Variants in DNAH12 observed in about 807,000 individuals in gnomAD.
The protein encoded by DNAH12 is axonemal beta dynein heavy chain 12.
DNAH12 carries 285 observed loss-of-function variants against 371.5 expected under a neutral mutation model. The observed-to-expected ratio is 0.77, with a 90% CI of 0.70 to 0.85. DNAH12 has a LOEUF of 0.85. Among genes scored for constraint, DNAH12 ranks in the 40% least tolerant of loss-of-function variants. DNAH12 has a pLI of 0.00. For synonymous variants in DNAH12, 1,200 were observed against 1,213.0 expected, an observed-to-expected ratio of 0.99 and a Z score of 0.22; for missense variants, 3,611 against 3,689.4, an observed-to-expected ratio of 0.98 and a Z score of 0.55.
chr3:57,450,288 C>T (rs945291805), intron 25 of DNAH12, among the ~76,000 whole-genome samples: 1 of 142,738 alleles, frequency 7.0e-6, no homozygotes, highest in African/African-American at 2.6e-5. Context: ...GTGGCTCATG[C>T]CTGTAATCCC....
At position 57,445,198 on chromosome 3, in the gene DNAH12, G is replaced by A; in HGVS notation, c.4401C>T (p.Tyr1467=). ...LVAAGNLKLK[Y]PNENEDILLL... ...CAAGTATATCTTCATTTTCATTTGG[G>A]TATTTTAGTTTTAGATTGCCAGCAG... The change falls in exon 28 of 74, where the codon TAC becomes TAT. Residue 1467 remains tyrosine, a synonymous_variant. Coordinates refer to ENST00000495027, the MANE Select transcript of DNAH12 (RefSeq NM_001366028.2). 1 of 1,545,432 alleles carries A rather than the reference G, an allele frequency of 6.5e-7. No individual in the cohort carries two copies. Among genetic ancestry groups the A allele is most frequent in the Non-Finnish European group, 8.7e-7 (1 of 1,143,570 alleles).
intron 45 of DNAH12, among the ~76,000 whole-genome samples, chr3:57,388,559 A>C (rs1405934211): frequency 0.019 from 1 of 54 alleles, no homozygotes; most frequent in Non-Finnish European, 0.036. Context: ...TATATATTTT[A>C]AATCTAAAAA....
In DNAH12 at chr3:57,480,292, C is replaced by A. The variant is rs926597260; in HGVS notation, c.1650+3084G>T. 3.9e-5 allele frequency among the ~76,000 whole-genome samples: 6 copies of A among 152,248 alleles called. No individual in the cohort carries two copies. In the East Asian group the frequency reaches 1.2e-3, roughly 29 times the overall value. ...CTACCATCAGAGAATACTATAAACA[C>A]CTCTACGCAAATAAACTAGAAAATC... On this transcript the variant is annotated intron_variant, in intron 13 of 73. Coordinates refer to ENST00000495027, the MANE Select transcript of DNAH12 (RefSeq NM_001366028.2).
chr3:57,550,190 CT>C, the DNAH12 span, among the ~76,000 whole-genome samples: 4 of 152,018 alleles, frequency 2.6e-5, no homozygotes, highest in African/African-American at 9.7e-5. Context: ...GGCTACATAC[CT>C]GTAGTCCTAA....
intron 62 of DNAH12, among the ~76,000 whole-genome samples, chr3:57,331,815 G>A (rs529957485): frequency 6.6e-6 from 1 of 152,042 alleles, no homozygotes; most frequent in Non-Finnish European, 1.5e-5. Flanking sequence ...CCCAGTTGTA[G>A]CAAGAACCCT....
chr3:57,384,139 A>T (rs1431335247), intron 49 of DNAH12, among the ~76,000 whole-genome samples: 1 of 152,106 alleles, frequency 6.6e-6, no homozygotes, highest in East Asian at 1.9e-4. Context: ...AGTTACGTAC[A>T]ACATAATGTG....
Position 57,323,454 on chromosome 3 carries a change from A to G in DNAH12, c.10129+15T>C. 2.0e-6 allele frequency: 3 copies of G among 1,514,454 alleles called. No homozygotes were observed. Among genetic ancestry groups the G allele is most frequent in the Non-Finnish European group, 2.6e-6 (3 of 1,134,812 alleles). The allele number at this position is 1,514,454 out of a possible 1,614,324, so 93.8% of individuals were successfully genotyped here. A position where few individuals can be genotyped will look rare whatever the true frequency, so the allele number is the denominator to read the frequency against. On this transcript the variant is annotated intron_variant, in intron 63 of 73. Transcript: ENST00000495027. Reference sequence around the variant, plus strand: ...TATTTATGATTTCTTAAAAGTTTACAGTATATGCACTTACTGGCCATAGGA... The same window carrying G: ...TATTTATGATTTCTTAAAAGTTTACGGTATATGCACTTACTGGCCATAGGA...
chr3:57,454,514 A>T (rs1465627036), intron 23 of DNAH12, among the ~76,000 whole-genome samples: 3 of 152,032 alleles, frequency 2.0e-5, no homozygotes, highest in Non-Finnish European at 4.4e-5. Context: ...TGTAATTTTA[A>T]GATTATATAT....
chr3:57,433,722 C>T lies in DNAH12; in HGVS notation c.4762G>A (p.Val1588Ile). 2 of 1,551,410 alleles carry T rather than the reference C, an allele frequency of 1.3e-6. No individual in the cohort carries two copies. Among genetic ancestry groups the T allele is most frequent in the Middle Eastern group, 1.7e-4 (1 of 5,990 alleles). Residue 1588 changes from valine to isoleucine, a missense_variant, in exon 31 of 74, where the codon GTC becomes ATC. This residue lies in a region of DNAH12 where 2,266 missense variants were observed against 2,236.9 expected (regional missense o/e 1.01). Coordinates refer to ENST00000495027, the MANE Select transcript of DNAH12 (RefSeq NM_001366028.2). The part of the protein sequence containing the change: ...NEHGYGEEEK[V>I]IYRTVNPKSI... ...TTGGGGTTTACAGTTCTATAAATGACCTTTTCTTCCTCTCCATAGCCATGT... is the reference window on the plus strand; with the variant it reads ...TTGGGGTTTACAGTTCTATAAATGATCTTTTCTTCCTCTCCATAGCCATGT...
At chr3:57,533,820 G>C (rs2068933709) in intron 2 of DNAH12, among the ~76,000 whole-genome samples, 1 of 152,142 alleles carries the variant, frequency 6.6e-6, no homozygotes, top group South Asian at 2.1e-4. Flanking sequence ...TGGGGTTAGG[G>C]GTTAGGAAAG....
At chr3:57,440,987 C>A (rs993059184) in intron 29 of DNAH12, among the ~76,000 whole-genome samples, 8 of 152,268 alleles carry the variant, frequency 5.3e-5, no homozygotes, top group African/African-American at 1.9e-4. Context: ...AAGACCCTAA[C>A]TCTAAATAGT....
In DNAH12 at chr3:57,445,304, G is replaced by C; in HGVS notation, c.4295C>G (p.Thr1432Ser). 1 of 1,551,632 alleles carries C rather than the reference G, an allele frequency of 6.4e-7. No homozygotes were observed. Among genetic ancestry groups the C allele is most frequent in the Non-Finnish European group, 8.7e-7 (1 of 1,146,988 alleles). The change falls in exon 28 of 74, where the codon ACC (threonine) becomes AGC (serine). Residue 1432 changes from threonine to serine, a missense_variant. This residue lies in a region of DNAH12 where 2,266 missense variants were observed against 2,236.9 expected (regional missense o/e 1.01). Transcript: ENST00000495027. Reference protein sequence around the residue: ...ARPLSVKIVMTYRLCSEQLSS... With the variant: ...ARPLSVKIVMSYRLCSEQLSS... ...GAGCTGCTCTGAGCAAAGCCTATAGGTCATTACTATTTTCACAGACAGAGG... is the reference window on the plus strand; with the variant it reads ...GAGCTGCTCTGAGCAAAGCCTATAGCTCATTACTATTTTCACAGACAGAGG...
At chr3:57,465,419 A>G (rs1222604394) in intron 17 of DNAH12, among the ~76,000 whole-genome samples, 1 of 152,186 alleles carries the variant, frequency 6.6e-6, no homozygotes, top group East Asian at 1.9e-4. Context: ...TTGTTTTATA[A>G]GGCCAACATA....
rs564189877 is a variant in DNAH12 at position 57,327,124 on chromosome 3, C to A, written c.9979-3505G>T. Among the ~76,000 whole-genome samples, 646 of 152,104 alleles carry A rather than the reference C, an allele frequency of 4.2e-3. 6 individuals are homozygous for A. Among genetic ancestry groups the A allele is most frequent in the African/African-American group, 0.015 (627 of 41,494 alleles). On this transcript the variant is annotated intron_variant, in intron 62 of 73. Transcript: ENST00000495027. ...ACAATAATAATGGGAGACTTTAACA[C>A]CCCACTGTCAACATTAGACAGATCA...
intron 25 of DNAH12, among the ~76,000 whole-genome samples, chr3:57,450,998 G>A (rs1255474197): frequency 2.0e-5 from 3 of 152,228 alleles, no homozygotes; most frequent in Admixed American, 6.5e-5. Flanking sequence ...AGACCCTGCT[G>A]CTTTGAAGTG....
At chr3:57,340,473 C>G (rs1329174013) in intron 60 of DNAH12, among the ~76,000 whole-genome samples, 1 of 152,000 alleles carries the variant, frequency 6.6e-6, no homozygotes, top group Non-Finnish European at 1.5e-5. Context: ...GGAGACATTA[C>G]AGTTGATACT....
intron 29 of DNAH12, among the ~76,000 whole-genome samples, chr3:57,444,128 G>A (rs1377638125): frequency 6.6e-6 from 1 of 152,000 alleles, no homozygotes; most frequent in African/African-American, 2.4e-5. Context: ...TTGAACCTGG[G>A]AGGCAGAGCT....
intron 43 of DNAH12, among the ~76,000 whole-genome samples, chr3:57,398,100 TAAA>T (rs1473787414): frequency 6.6e-6 from 1 of 152,006 alleles, no homozygotes; most frequent in Non-Finnish European, 1.5e-5. Flanking sequence ...ATAGAAACTA[TAAA>T]ATATAAATTC....
intron 62 of DNAH12, among the ~76,000 whole-genome samples, chr3:57,334,148 AGGAGATACCAC>A (rs973414988): frequency 3.3e-5 from 5 of 152,250 alleles, no homozygotes; most frequent in Admixed American, 2.0e-4. Flanking sequence ...AACTGATGCA[AGGAGATACCAC>A]GGCTTAAAAA....
Sources: gnomAD v4.1 joint callset for allele counts (sites outside exome capture counted in the v4.1 genomes callset) on GRCh38, gnomAD v4.1.1 for gene constraint, gnomAD v4.1.1 regional missense constraint, MANE v1.5 for transcripts, NCBI Gene and HGNC (gene_info 2026-07-23, HGNC 2026-07-21) for gene names.